CHST11: variants seen among roughly 807,000 people sequenced by gnomAD.
CHST11 encodes the protein C4S-1.
A neutral mutation model predicts 30.4 loss-of-function variants in CHST11; 9 were observed. The ratio of observed to expected loss-of-function variants is 0.30; its 90% CI spans 0.18 to 0.52. The LOEUF is 0.52. Among genes scored for constraint, CHST11 ranks in the 20% least tolerant of loss-of-function variants. CHST11 has a pLI of 0.97. For missense variants in CHST11, 348 were observed against 460.6 expected, an observed-to-expected ratio of 0.76 and a Z score of 2.24; for synonymous variants, 152 against 187.8, an observed-to-expected ratio of 0.81 and a Z score of 1.56.
At chr12:104,473,532 C>A (rs1346415847) in intron 1 of CHST11, among the ~76,000 whole-genome samples, 1 of 152,152 alleles carries the variant, frequency 6.6e-6, no homozygotes. Context: ...GGATGGAGAA[C>A]AAAGTCTGCT....
intron 1 of CHST11, among the ~76,000 whole-genome samples, chr12:104,556,705 G>A (rs2038459019): frequency 6.6e-6 from 1 of 152,140 alleles, no homozygotes; most frequent in African/African-American, 2.4e-5. Context: ...CTTGGGCTGG[G>A]TGCGGTGGCT....
chr12:104,704,665 A>C (rs2040017842), intron 2 of CHST11, among the ~76,000 whole-genome samples: 1 of 152,182 alleles, frequency 6.6e-6, no homozygotes, highest in African/African-American at 2.4e-5. Context: ...TGTTTAGAGT[A>C]GTTCAAAAAA....
At chr12:104,596,093 C>T (rs1159457401) in intron 1 of CHST11, among the ~76,000 whole-genome samples, 1 of 152,150 alleles carries the variant, frequency 6.6e-6, no homozygotes, top group Non-Finnish European at 1.5e-5. Flanking sequence ...CCCCCAGGTA[C>T]AAAACAGAAT....
chr12:104,480,935 C>A (rs999798742), intron 1 of CHST11, among the ~76,000 whole-genome samples: 14 of 152,172 alleles, frequency 9.2e-5, no homozygotes, highest in Admixed American at 6.5e-5. Context: ...GAAAATACTG[C>A]AGTCTGAAGG....
intron 1 of CHST11, among the ~76,000 whole-genome samples, chr12:104,596,243 G>A (rs2038905801): frequency 6.6e-6 from 1 of 152,206 alleles, no homozygotes; most frequent in African/African-American, 2.4e-5. Context: ...ATGAATTTGT[G>A]CATTTGGAAA....
intron 1 of CHST11, among the ~76,000 whole-genome samples, chr12:104,474,157 G>A (rs976690330): frequency 3.3e-5 from 5 of 152,230 alleles, no homozygotes. Flanking sequence ...GGAAGCCTAT[G>A]CAAAGGTATT....
At chr12:104,483,222 T>C (rs2037644469) in intron 1 of CHST11, among the ~76,000 whole-genome samples, 1 of 152,118 alleles carries the variant, frequency 6.6e-6, no homozygotes, top group Non-Finnish European at 1.5e-5. Flanking sequence ...TTGTTTTTTG[T>C]TGAGATGGAG....
intron 2 of CHST11, among the ~76,000 whole-genome samples, chr12:104,698,645 C>G (rs1021135407): frequency 4.6e-5 from 7 of 152,160 alleles, no homozygotes; most frequent in Admixed American, 4.6e-4. Context: ...CTTACCAGCT[C>G]GGCATAGGCA....
At chr12:104,486,573 C>T (rs1423852240) in intron 1 of CHST11, among the ~76,000 whole-genome samples, 1 of 152,122 alleles carries the variant, frequency 6.6e-6, no homozygotes, top group East Asian at 1.9e-4. Flanking sequence ...TTTTCTGGTA[C>T]GTCTGGATGG....
At chr12:104,568,217 T>C (rs2038587083) in intron 1 of CHST11, among the ~76,000 whole-genome samples, 1 of 152,130 alleles carries the variant, frequency 6.6e-6, no homozygotes, top group Non-Finnish European at 1.5e-5. Context: ...GCCTGGTGCT[T>C]TGCCTGGCGA....
intron 1 of CHST11, among the ~76,000 whole-genome samples, chr12:104,544,149 AGAAAGAAAGAAAGAAAG>A (rs569611706): frequency 0.55 from 74,835 of 137,034 alleles, 22,801 homozygotes; most frequent in East Asian, 0.98. Flanking sequence ...AAAGAAAGAA[AGAAAGAAAGAAAGAAAG>A]AAAGAAAGAA....
chr12:104,465,284 TG>T (rs1246540397), intron 1 of CHST11, among the ~76,000 whole-genome samples: 1 of 152,236 alleles, frequency 6.6e-6, no homozygotes, highest in Non-Finnish European at 1.5e-5. Flanking sequence ...TAACTTTGCC[TG>T]GCACTTATTT....
At chr12:104,604,398 T>C (rs2038983993) in intron 2 of CHST11, among the ~76,000 whole-genome samples, 3 of 152,182 alleles carry the variant, frequency 2.0e-5, no homozygotes, top group Non-Finnish European at 2.9e-5. Flanking sequence ...AATCACCTCG[T>C]TTCCTCGGGA....
At position 104,618,285 on chromosome 12, in the gene CHST11, G is replaced by A. The variant is rs528394708; in HGVS notation, c.204+16294G>A. On this transcript the variant is annotated intron_variant, in intron 2 of 2. Coordinates refer to ENST00000303694, the MANE Select transcript of CHST11 (RefSeq NM_018413.6). Reference sequence around the variant, plus strand: ...GTTGCCCAGGCTGGAGTGCAGTGGCGCGATCATGGCTCACTGCAGGTTTGG... The same window carrying A: ...GTTGCCCAGGCTGGAGTGCAGTGGCACGATCATGGCTCACTGCAGGTTTGG... Among the ~76,000 whole-genome samples, 25 of 148,942 alleles carry A rather than the reference G, an allele frequency of 1.7e-4. No homozygotes were observed. The East Asian group carries it at 2.6e-3, about 15-fold the overall frequency.
chr12:104,472,477 T>G (rs1422870313), intron 1 of CHST11, among the ~76,000 whole-genome samples: 1 of 152,196 alleles, frequency 6.6e-6, no homozygotes, highest in Non-Finnish European at 1.5e-5. Context: ...AGTCGCTATC[T>G]GAAGCTTGAT....
intron 2 of CHST11, among the ~76,000 whole-genome samples, chr12:104,666,492 G>A (rs1174910210): frequency 6.6e-6 from 1 of 152,122 alleles, no homozygotes; most frequent in African/African-American, 2.4e-5. Flanking sequence ...ATTTCCTTCC[G>A]TTGTTCTTGG....
intron 2 of CHST11, among the ~76,000 whole-genome samples, chr12:104,644,228 C>T (rs1459188876): frequency 6.6e-6 from 1 of 152,136 alleles, no homozygotes; most frequent in Admixed American, 6.5e-5. Context: ...TCCATGGAAG[C>T]TCCTGGACAC....
chr12:104,656,595 C>G (rs1029446297), intron 2 of CHST11, among the ~76,000 whole-genome samples: 1 of 152,204 alleles, frequency 6.6e-6, no homozygotes, highest in Admixed American at 6.5e-5. Context: ...GTGGAATTTG[C>G]ACCGCAGGAC....
chr12:104,650,992 A>G (rs1421445552), intron 2 of CHST11, among the ~76,000 whole-genome samples: 1 of 152,232 alleles, frequency 6.6e-6, no homozygotes. Flanking sequence ...ATACTTGTGA[A>G]GAGCTTAGCA....
Sources: allele counts gnomAD v4.1 joint callset (sites outside exome capture counted in the v4.1 genomes callset), GRCh38; gene constraint gnomAD v4.1.1; transcripts MANE v1.5; gene names NCBI Gene and HGNC (gene_info 2026-07-23, HGNC 2026-07-21).